The following GLIS3 variants were observed in gnomAD, a reference collection of about 807,000 sequenced individuals.
GLIS3 encodes the protein GLIS family zinc finger 3, also known as zinc finger protein GLIS3.
In GLIS3, 53 loss-of-function variants were observed where a neutral mutation model predicts 78.6. The ratio of observed to expected loss-of-function variants is 0.67; its 90% confidence interval spans 0.54 to 0.85. The LOEUF (loss-of-function observed/expected upper bound fraction) is 0.85, where lower values mean the gene tolerates loss of function less well. Among genes scored for constraint, GLIS3 ranks in the 40% least tolerant of loss-of-function variants. The probability of loss-of-function intolerance (pLI) is 0.00; values close to 1 mark genes in which losing one functional copy is unlikely to be tolerated. For synonymous variants in GLIS3, 684 were observed against 509.9 expected (o/e 1.34, Z -4.60); for missense variants, 1,703 against 1,231.1 (o/e 1.38, Z -5.74).
chr9:4,488,524 CTTT>C, the GLIS3 span, among the ~76,000 whole-genome samples: 3 of 149,350 alleles, frequency 2.0e-5, no homozygotes, highest in Admixed American at 6.7e-5. Flanking sequence ...CGCTCTCTCT[CTTT>C]TTTTTTTATG....
At chr9:4,330,218 G>A (rs1817664392) in intron 2 of GLIS3, among the ~76,000 whole-genome samples, 2 of 152,212 alleles carry the variant, frequency 1.3e-5, no homozygotes, top group Admixed American at 6.5e-5. Flanking sequence ...AAGGAAAGAA[G>A]CAGGGCTCCC....
chr9:4,456,380 G>A, the GLIS3 span, among the ~76,000 whole-genome samples: 1 of 152,148 alleles, frequency 6.6e-6, no homozygotes, highest in Non-Finnish European at 1.5e-5. Flanking sequence ...TGCGTGGATG[G>A]TCTCTTCCTT....
chr9:4,250,723 T>C (rs964392388), intron 2 of GLIS3, among the ~76,000 whole-genome samples: 3 of 152,342 alleles, frequency 2.0e-5, no homozygotes, highest in East Asian at 1.9e-4. Context: ...ATTTTAAATC[T>C]TTCCCACCTT....
At chr9:3,986,803 A>G (rs1819775052) in intron 4 of GLIS3, among the ~76,000 whole-genome samples, 1 of 152,264 alleles carries the variant, frequency 6.6e-6, no homozygotes, top group Non-Finnish European at 1.5e-5. Context: ...ACAGCCCACT[A>G]AAGTAGGCAA....
At chr9:4,352,058 C>T (rs1241765160), upstream of GLIS3, among the ~76,000 whole-genome samples, 1 of 152,136 alleles carries the variant, frequency 6.6e-6, no homozygotes, top group Non-Finnish European at 1.5e-5. Flanking sequence ...TAAACTTCAG[C>T]GTAAGTACAA....
intron 3 of GLIS3, chr9:4,123,930 C>T: frequency 2.5e-6 from 1 of 394,184 alleles, no homozygotes; most frequent in African/African-American, 2.1e-5. Context: ...CTGGACAGTT[C>T]ATGCCCCCTT....
intron 4 of GLIS3, among the ~76,000 whole-genome samples, chr9:4,010,796 A>T (rs548012517): frequency 2.0e-5 from 3 of 152,222 alleles, no homozygotes; most frequent in Admixed American, 6.5e-5. Context: ...TTGTGCATCA[A>T]ATACCTAGAG....
chr9:4,295,629 A>G (rs957783434), intron 1 of GLIS3, among the ~76,000 whole-genome samples: 3 of 152,214 alleles, frequency 2.0e-5, no homozygotes, highest in African/African-American at 7.2e-5. Context: ...CAGAGGTGGT[A>G]ACTAGAATGG....
intron 4 of GLIS3, among the ~76,000 whole-genome samples, chr9:3,996,356 A>G (rs1039519704): frequency 2.0e-5 from 3 of 152,244 alleles, no homozygotes; most frequent in Non-Finnish European, 4.4e-5. Flanking sequence ...AATATTCACC[A>G]TGAAAATAAT....
chr9:4,193,889 T>C (rs1015582704), intron 2 of GLIS3, among the ~76,000 whole-genome samples: 12 of 152,374 alleles, frequency 7.9e-5, no homozygotes, highest in South Asian at 4.1e-4. Flanking sequence ...TTTGTTTCCC[T>C]GGCTGACGAA....
intron 2 of GLIS3, among the ~76,000 whole-genome samples, chr9:4,168,837 C>T (rs1816113788): frequency 6.6e-6 from 1 of 152,128 alleles, no homozygotes; most frequent in African/African-American, 2.4e-5. Context: ...TAGACAGAAG[C>T]CTTGGTCCCT....
At chr9:3,883,100 G>A (rs543189967) in intron 7 of GLIS3, among the ~76,000 whole-genome samples, 2 of 152,260 alleles carry the variant, frequency 1.3e-5, no homozygotes, top group East Asian at 1.9e-4. Context: ...CAAAAAAAAT[G>A]GACAACACTC....
intron 4 of GLIS3, among the ~76,000 whole-genome samples, chr9:4,074,399 C>A (rs1383001811): frequency 6.6e-6 from 1 of 152,138 alleles, no homozygotes; most frequent in South Asian, 2.1e-4. Flanking sequence ...AAACACTCAC[C>A]TACTCCTCCT....
At chr9:4,169,797 G>C (rs943793258) in intron 2 of GLIS3, among the ~76,000 whole-genome samples, 13 of 152,222 alleles carry the variant, frequency 8.5e-5, no homozygotes, top group African/African-American at 2.9e-4. Context: ...GGGAAATCTG[G>C]GTAAAGAGTA....
chr9:4,437,422 ATCTATCTATCTATC>A, the GLIS3 span, among the ~76,000 whole-genome samples: 2 of 56,850 alleles, frequency 3.5e-5, no homozygotes, highest in African/African-American at 9.1e-5. Context: ...GTATGTATGT[ATCTATCTATCTATC>A]TATCTATCTA....
At chr9:4,210,770 C>G (rs997703368) in intron 2 of GLIS3, among the ~76,000 whole-genome samples, 5 of 152,234 alleles carry the variant, frequency 3.3e-5, no homozygotes, top group African/African-American at 9.6e-5. Context: ...GCTTCACCTG[C>G]TAGAGCCAGT....
the GLIS3 span, among the ~76,000 whole-genome samples, chr9:4,485,742 G>A: frequency 6.7e-6 from 1 of 149,386 alleles, no homozygotes; most frequent in Non-Finnish European, 1.5e-5. Context: ...TTGAGACGGA[G>A]TTTTGTTCGC....
chr9:4,366,303 G>C, the GLIS3 span, among the ~76,000 whole-genome samples: 1 of 152,116 alleles, frequency 6.6e-6, no homozygotes, highest in Non-Finnish European at 1.5e-5. Context: ...ATTTTAACTA[G>C]AAAAGAGTAG....
In GLIS3 at chr9:3,825,889, A is replaced by AT. The variant is rs1266333751; in HGVS notation, c.*2382dup. The stretch of plus-strand genomic sequence containing the variant: ...AATGTCCCTCTGGGGCTCCACATTG[A>AT]TTTCCTGCTGAGGAAGGAGGGCTGC... On this transcript the variant is annotated 3_prime_UTR_variant, in exon 11 of 11. Coordinates refer to ENST00000381971, the MANE Select transcript of GLIS3 (RefSeq NM_001042413.2). The AT allele has an allele frequency of 2.0e-5, 3 of 152,338 alleles. No homozygotes were observed. Among genetic ancestry groups the AT allele is most frequent in the Non-Finnish European group, 4.4e-5 (3 of 68,170 alleles). 9.4% of individuals were successfully genotyped at this position (152,338 alleles called of 1,614,324 possible). A position where few individuals can be genotyped will look rare whatever the true frequency, so the allele number is the denominator to read the frequency against.
Sources: gnomAD v4.1 joint callset for allele counts (sites outside exome capture counted in the v4.1 genomes callset) on GRCh38, gnomAD v4.1.1 for gene constraint, MANE v1.5 for transcripts, NCBI Gene and HGNC (gene_info 2026-07-23, HGNC 2026-07-21) for gene names.